The following AGAP1 variants were observed in gnomAD, a reference collection of about 807,000 sequenced individuals.
AGAP1 encodes ArfGAP with GTPase domain, ankyrin repeat and PH domain 1, also known as arf-GAP with GTPase, ANK repeat and PH domain-containing protein 1.
A neutral mutation model predicts 105.3 loss-of-function variants in AGAP1; 29 were observed. The ratio of observed to expected loss-of-function variants is 0.28; its 90% CI spans 0.21 to 0.38. AGAP1 has a LOEUF of 0.38. AGAP1 is among the 10% of genes least tolerant of loss of function. The pLI is 1.00. For synonymous variants in AGAP1, 509 were observed against 485.9 expected, an observed-to-expected ratio of 1.05 and a Z score of -0.63; for missense variants, 998 against 1,165.1, an observed-to-expected ratio of 0.86 and a Z score of 2.09.
chr2:235,625,737 A>G lies in AGAP1; in HGVS notation c.164-83442A>G, dbSNP rs1946617443. 6.6e-6 allele frequency among the ~76,000 whole-genome samples: 1 copy of G among 152,210 alleles called. No individual in the cohort carries two copies. The highest frequency in any genetic ancestry group is 2.1e-4 in the South Asian group (1 of 4,828). On this transcript the variant is annotated intron_variant, in intron 1 of 17. Transcript: ENST00000304032. This position sits in a 1 kb window ranked among gnomAD's most constrained non-coding sequence, Gnocchi z 4.0. ...CTGAAATATATTATGGTTTGTTTGT[A>G]GCTTCAGCTAGTACTTTTCATTGTA...
At position 236,073,619 on chromosome 2, in the gene AGAP1, A is replaced by G. The variant is rs894298102; in HGVS notation, c.2114+24338A>G. 6.6e-6 allele frequency among the ~76,000 whole-genome samples: 1 copy of G among 152,148 alleles called. No individual in the cohort carries two copies. The highest frequency in any genetic ancestry group is 2.4e-5 in the African/African-American group (1 of 41,424). On this transcript the variant is annotated intron_variant, in intron 16 of 17. Transcript: ENST00000304032. The surrounding 1 kb of genome is among the most constrained non-coding windows in gnomAD (Gnocchi z 5.4). ...ATGCTCACATAGAAGATAATTTATAAATACCTATAACATAACCTGAGAATG... is the reference window on the plus strand; with the variant it reads ...ATGCTCACATAGAAGATAATTTATAGATACCTATAACATAACCTGAGAATG...
intron 16 of AGAP1, among the ~76,000 whole-genome samples, chr2:236,115,929 T>C (rs1040806743): frequency 6.6e-6 from 1 of 151,874 alleles, no homozygotes; most frequent in Admixed American, 6.6e-5. Flanking sequence ...CTCAGCCTCC[T>C]GAGTAGCTAG....
chr2:235,764,416 C>T (rs1238621680), intron 6 of AGAP1, among the ~76,000 whole-genome samples: 3 of 152,176 alleles, frequency 2.0e-5, no homozygotes, highest in Admixed American at 6.5e-5. Context: ...TCCATCTGGA[C>T]TGGGGATCTT....
chr2:235,779,573 C>G (rs1402326679), intron 6 of AGAP1, among the ~76,000 whole-genome samples: 1 of 152,172 alleles, frequency 6.6e-6, no homozygotes, highest in Non-Finnish European at 1.5e-5. Context: ...AGTCCAGAGC[C>G]CAAGCTGCTC....
In AGAP1 at chr2:235,983,781, T is replaced by G. The variant is rs994672748; in HGVS notation, c.1645+15158T>G. Among the ~76,000 whole-genome samples the G allele has an allele frequency of 6.6e-6, 1 of 152,332 alleles. No individual in the cohort carries two copies. Among genetic ancestry groups the G allele is most frequent in the Non-Finnish European group, 1.5e-5 (1 of 68,034 alleles). ...CAATAGGCTCTGCACATAGCCTGAG[T>G]GTGTGGTAGCCACACCATCTAGGCT... On this transcript the variant is annotated intron_variant, in intron 13 of 17. Transcript: ENST00000304032. This position sits in a 1 kb window ranked among gnomAD's most constrained non-coding sequence, Gnocchi z 4.5.
At position 235,550,994 on chromosome 2, in the gene AGAP1, G is replaced by A. The variant is rs1425156526; in HGVS notation, c.163+56145G>A. Among the ~76,000 whole-genome samples, 2 of 152,096 alleles carry A rather than the reference G, an allele frequency of 1.3e-5. No homozygotes were observed. The highest frequency in any genetic ancestry group is 1.5e-5 in the Non-Finnish European group (1 of 68,020). On this transcript the variant is annotated intron_variant, in intron 1 of 17. Coordinates refer to ENST00000304032, the MANE Select transcript of AGAP1 (RefSeq NM_001037131.3). This position sits in a 1 kb window ranked among gnomAD's most constrained non-coding sequence, Gnocchi z 4.6. ...TCACCATGTTGGGCAGGCTGGTCTC[G>A]AACTCCTGGCCTCAAGTGATCCACC...
At chr2:235,914,373 G>A (rs952771843) in intron 11 of AGAP1, among the ~76,000 whole-genome samples, 4 of 152,032 alleles carry the variant, frequency 2.6e-5, no homozygotes, top group South Asian at 2.1e-4. Flanking sequence ...AGGACAAGAC[G>A]TCTCTCCAGG....
chr2:236,110,095 G>T (rs919634393), intron 16 of AGAP1, among the ~76,000 whole-genome samples: 1 of 152,228 alleles, frequency 6.6e-6, no homozygotes, highest in Non-Finnish European at 1.5e-5. Flanking sequence ...CCCAGCTGGG[G>T]ACCCTGGGCA....
In AGAP1 at chr2:236,130,895, A is replaced by G. The variant is rs548739273; in HGVS notation, c.*6773A>G. ...CGCACTGCTCAGGTTGGCACGAGGG[A>G]CCTCCCCCATCCCAACCCAGCCCCA... On this transcript the variant is annotated 3_prime_UTR_variant, in exon 18 of 18. Coordinates refer to ENST00000304032, the MANE Select transcript of AGAP1 (RefSeq NM_001037131.3). The surrounding 1 kb of genome is among the most constrained non-coding windows in gnomAD (Gnocchi z 5.8). The G allele has an allele frequency of 4.0e-5, 6 of 151,782 alleles. No individual in the cohort carries two copies. The highest frequency in any genetic ancestry group is 1.5e-4 in the African/African-American group (6 of 41,308). 9.4% of individuals were successfully genotyped at this position (151,782 alleles called of 1,614,324 possible). A position where few individuals can be genotyped will look rare whatever the true frequency, so the allele number is the denominator to read the frequency against.
chr2:235,726,926 C>G (rs1330085356), intron 3 of AGAP1, among the ~76,000 whole-genome samples: 2 of 152,294 alleles, frequency 1.3e-5, no homozygotes, highest in East Asian at 3.9e-4. Flanking sequence ...GAGGAGCCCT[C>G]TCCCCCATTT....
chr2:235,775,523 C>T (rs1210037069), intron 6 of AGAP1: 2 of 152,166 alleles, frequency 1.3e-5, no homozygotes, highest in Non-Finnish European at 1.5e-5. Flanking sequence ...AATAAATGTA[C>T]TTTGCTCTGT....
At chr2:236,067,883 G>C (rs115155831) in intron 16 of AGAP1, among the ~76,000 whole-genome samples, 70 of 152,320 alleles carry the variant, frequency 4.6e-4, no homozygotes, top group African/African-American at 1.7e-3. Flanking sequence ...TAGCCACCGG[G>C]CTGTCAGGGT....
chr2:235,968,311 C>A, intron 12 of AGAP1, 151 bp from the exon 13 acceptor site: 1 of 1,049,068 alleles, frequency 9.5e-7, no homozygotes, highest in Non-Finnish European at 1.3e-6. Flanking sequence ...AGGCTCTAGG[C>A]CTCCAACTCA....
chr2:235,681,479 T>TACTCCCTTGCCC (rs1167263921), intron 1 of AGAP1, among the ~76,000 whole-genome samples: 1 of 152,170 alleles, frequency 6.6e-6, no homozygotes, highest in African/African-American at 2.4e-5. Context: ...CCACCTTGTC[T>TACTCCCTTGCCC]ACTCCCTTGC....
rs2056146987 is a variant in AGAP1, at chr2:236,002,123, G to A, written c.1645+33500G>A. On this transcript the variant is annotated intron_variant, in intron 13 of 17. Coordinates refer to ENST00000304032, the MANE Select transcript of AGAP1 (RefSeq NM_001037131.3). This position sits in a 1 kb window ranked among gnomAD's most constrained non-coding sequence, Gnocchi z 4.3. ...TTTCTCAAGCGACATGCCAGGAAGAGCTGGCTTCCCCGCACAAGCAGTGCT... is the reference window on the plus strand; with the variant it reads ...TTTCTCAAGCGACATGCCAGGAAGAACTGGCTTCCCCGCACAAGCAGTGCT... Among the ~76,000 whole-genome samples, 1 of 152,194 alleles carries A rather than the reference G, an allele frequency of 6.6e-6. No individual in the cohort carries two copies. Among genetic ancestry groups the A allele is most frequent in the Non-Finnish European group, 1.5e-5 (1 of 68,046 alleles).
rs201609993 is a variant in AGAP1 at position 235,979,154 on chromosome 2, T to G, written c.1645+10531T>G. The stretch of plus-strand genomic sequence containing the variant: ...GTTGTTGTTTTTGTTTTTTTTTTTT[T>G]GGGATATGATCTCACTGTGTTGTCC... On this transcript the variant is annotated intron_variant, in intron 13 of 17. Coordinates refer to ENST00000304032, the MANE Select transcript of AGAP1 (RefSeq NM_001037131.3). This position sits in a 1 kb window ranked among gnomAD's most constrained non-coding sequence, Gnocchi z 4.5. 4.0e-3 allele frequency among the ~76,000 whole-genome samples: 596 copies of G among 147,890 alleles called. 9 individuals are homozygous for G. The highest frequency in any genetic ancestry group is 0.038 in the East Asian group (196 of 5,166).
intron 10 of AGAP1, among the ~76,000 whole-genome samples, chr2:235,898,586 G>A (rs1055625507): frequency 6.1e-5 from 9 of 147,448 alleles, no homozygotes; most frequent in Admixed American, 5.7e-4. Context: ...AACACCTTTA[G>A]CCCAAGAAAT....
intron 1 of AGAP1, among the ~76,000 whole-genome samples, chr2:235,704,092 C>G (rs1026937945): frequency 1.3e-5 from 2 of 152,326 alleles, no homozygotes; most frequent in African/African-American, 2.4e-5. Flanking sequence ...CCTCTGCGTC[C>G]TCTTGATCTC....
rs1296513911 is a variant in AGAP1 at position 235,936,297 on chromosome 2, C to T, written c.1483+5374C>T. On this transcript the variant is annotated intron_variant, in intron 12 of 17. Transcript: ENST00000304032. This position sits in a 1 kb window ranked among gnomAD's most constrained non-coding sequence, Gnocchi z 4.7. ...TCTTCCACATGGAAGGAGTGTATCA[C>T]ATGTGTGTGTGTACGGGTGTATGCT... Among the ~76,000 whole-genome samples the T allele has an allele frequency of 2.6e-5, 4 of 152,120 alleles. No homozygotes were observed. The highest frequency in any genetic ancestry group is 7.2e-5 in the African/African-American group (3 of 41,406).
Sources: gnomAD v4.1 joint callset for allele counts (sites outside exome capture counted in the v4.1 genomes callset) on GRCh38, gnomAD v4.1.1 for gene constraint, Gnocchi (gnomAD v3.1) non-coding constraint, MANE v1.5 for transcripts, NCBI Gene and HGNC (gene_info 2026-07-23, HGNC 2026-07-21) for gene names.